Variants in PHACTR2 observed in about 807,000 individuals in gnomAD.
PHACTR2 encodes chromosome 6 open reading frame 56.
Under a neutral mutation model 76.0 loss-of-function variants are expected in PHACTR2, and 30 were observed. That is an observed-to-expected ratio of 0.39 (90% CI 0.30 to 0.54). PHACTR2 has a LOEUF of 0.54. PHACTR2 is among the 20% of genes least tolerant of loss of function. The pLI, the probability that PHACTR2 is intolerant of heterozygous loss-of-function variation, is 0.61. For missense variants in PHACTR2, 696 were observed against 781.1 expected (o/e 0.89, Z 1.30); for synonymous variants, 292 against 292.5 (o/e 1.00, Z 0.02).
At position 143,639,868 on chromosome 6, in the gene PHACTR2, A is replaced by G. The variant is rs1438085864; in HGVS notation, c.13+31546A>G. Among the ~76,000 whole-genome samples the G allele has an allele frequency of 6.6e-6, 1 of 152,224 alleles. No individual in the cohort carries two copies. The highest frequency in any genetic ancestry group is 2.4e-5 in the African/African-American group (1 of 41,458). On this transcript the variant is annotated intron_variant, in intron 1 of 11. Transcript: ENST00000305766. This position sits in a 1 kb window ranked among gnomAD's most constrained non-coding sequence, Gnocchi z 5.0. ...TCTCACTGTAGTGCAATGAAATTAG[A>G]AGTCAACATAACTACTCTAAAGATA...
At position 143,672,383 on chromosome 6, in the gene PHACTR2, C is replaced by A. The variant is rs910446924; in HGVS notation, c.14-39633C>A. Among the ~76,000 whole-genome samples the A allele has an allele frequency of 6.6e-6, 1 of 151,998 alleles. No individual in the cohort carries two copies. Among genetic ancestry groups the A allele is most frequent in the Non-Finnish European group, 1.5e-5 (1 of 68,004 alleles). ...GGCTGAGGTGGGAGGATTGCTTGAG[C>A]CCAGGAGTTCAAGGCTACAGTAAGC... is the stretch of plus-strand genomic sequence containing the variant. On this transcript the variant is annotated intron_variant, in intron 1 of 11. Transcript: ENST00000305766. This position sits in a 1 kb window ranked among gnomAD's most constrained non-coding sequence, Gnocchi z 5.8.
rs115037815 is a variant in PHACTR2 at position 143,807,535 on chromosome 6, C to T, written c.1922+402C>T. ...GGGGCTACATTTTGGTTCCTTTCTTCGTTTTTTTCTGGGTCTGAAGACATC... is the reference window on the plus strand; with the variant it reads ...GGGGCTACATTTTGGTTCCTTTCTTTGTTTTTTTCTGGGTCTGAAGACATC... On this transcript the variant is annotated intron_variant, in intron 12 of 12. Coordinates refer to ENST00000440869, the MANE Select transcript of PHACTR2 (RefSeq NM_001100164.2). This position sits in a 1 kb window ranked among gnomAD's most constrained non-coding sequence, Gnocchi z 5.5. Among the ~76,000 whole-genome samples the T allele has an allele frequency of 7.5e-3, 1,144 of 152,254 alleles. 14 individuals are homozygous for T. The highest frequency in any genetic ancestry group is 0.026 in the African/African-American group (1,088 of 41,554).
rs991857311 is a variant in PHACTR2 at position 143,537,338 on chromosome 6, A to T, written c.217+131A>T. 7.6e-6 allele frequency: 1 copy of T among 132,060 alleles called. No homozygotes were observed. Among genetic ancestry groups the T allele is most frequent in the Admixed American group, 7.3e-5 (1 of 13,722 alleles). 8.2% of individuals were successfully genotyped at this position (132,060 alleles called of 1,614,324 possible). ...TGGCGGCGGGGTGGGGGTGGGGGAC[A>T]GGGGAGGGCGGAGGCTGAACTCCCC... On this transcript the variant is annotated intron_variant, in intron 1 of 11. Transcript: ENST00000367584. The surrounding 1 kb of genome is among the most constrained non-coding windows in gnomAD (Gnocchi z 4.4).
intron 1 of PHACTR2, among the ~76,000 whole-genome samples, chr6:143,588,488 C>G (rs1775652662): frequency 6.6e-6 from 1 of 152,242 alleles, no homozygotes; most frequent in African/African-American, 2.4e-5. Flanking sequence ...CTCTGAGACA[C>G]CACCAGAGTG....
rs1775933943 is a variant in PHACTR2 at position 143,608,997 on chromosome 6, G to C, written c.13+675G>C. On this transcript the variant is annotated intron_variant, in intron 1 of 11. Transcript: ENST00000305766. This position sits in a 1 kb window ranked among gnomAD's most constrained non-coding sequence, Gnocchi z 4.6. ...TTTACTTTGCTGTATTGAACTTTTAGAGGAGATATACTGTGAGATCATGCC... is the reference window on the plus strand; with the variant it reads ...TTTACTTTGCTGTATTGAACTTTTACAGGAGATATACTGTGAGATCATGCC... Among the ~76,000 whole-genome samples the C allele has an allele frequency of 6.6e-6, 1 of 152,112 alleles. No individual in the cohort carries two copies. The highest frequency in any genetic ancestry group is 2.4e-5 in the African/African-American group (1 of 41,418).
rs760769810 is a variant in PHACTR2 at position 143,783,311 on chromosome 6, T to G, written c.1707+31T>G. 7.2e-6 allele frequency: 10 copies of G among 1,388,486 alleles called. No individual in the cohort carries two copies. The highest frequency in any genetic ancestry group is 1.0e-5 in the Non-Finnish European group (10 of 978,002). 86.0% of individuals were successfully genotyped at this position (1,388,486 alleles called of 1,614,324 possible). On this transcript the variant is annotated intron_variant, in intron 10 of 12. Coordinates refer to ENST00000440869, the MANE Select transcript of PHACTR2 (RefSeq NM_001100164.2). This position sits in a 1 kb window ranked among gnomAD's most constrained non-coding sequence, Gnocchi z 5.2. ...GAAATCATAACTATTAATGAGCATA[T>G]GTGTTTTGAGATATACTTTTAAAAA...
Position 143,757,947 on chromosome 6 carries a change from G to A in PHACTR2, c.455-2454G>A, listed in dbSNP as rs979638283. ...TACTCATATGTCCCTGCGTGTGTGT[G>A]CATGCACACGTGCGCGCACACACAC... On this transcript the variant is annotated intron_variant, in intron 4 of 12. Transcript: ENST00000440869. The surrounding 1 kb of genome is among the most constrained non-coding windows in gnomAD (Gnocchi z 4.2). Among the ~76,000 whole-genome samples the A allele has an allele frequency of 3.7e-5, 5 of 133,932 alleles. No individual in the cohort carries two copies. The highest frequency in any genetic ancestry group is 8.0e-5 in the Non-Finnish European group (5 of 62,688). 87.9% of individuals were successfully genotyped at this position (133,932 alleles called of 152,430 possible). A position where few individuals can be genotyped will look rare whatever the true frequency, so the allele number is the denominator to read the frequency against.
Position 143,794,958 on chromosome 6 carries a change from C to A in PHACTR2, c.1845+6048C>A, listed in dbSNP as rs1207036239. 6.6e-6 allele frequency among the ~76,000 whole-genome samples: 1 copy of A among 152,156 alleles called. No homozygotes were observed. The highest frequency in any genetic ancestry group is 1.5e-5 in the Non-Finnish European group (1 of 68,036). On this transcript the variant is annotated intron_variant, in intron 11 of 12. Transcript: ENST00000440869. This position sits in a 1 kb window ranked among gnomAD's most constrained non-coding sequence, Gnocchi z 4.1. ...AGTAGCCAATCAGTCAGTAATTAAT[C>A]AATGCCTCTCCTTTCTGTGAAGGAG...
Position 143,767,994 on chromosome 6 carries a change from C to T in PHACTR2, c.1232+2196C>T, listed in dbSNP as rs942480366. ...CTGGAACTACGGGTGCCTGCCACCACGCCTGGCTAATTTTTGTATTTTTAG... is the reference window on the plus strand; with the variant it reads ...CTGGAACTACGGGTGCCTGCCACCATGCCTGGCTAATTTTTGTATTTTTAG... On this transcript the variant is annotated intron_variant, in intron 6 of 12. Coordinates refer to ENST00000440869, the MANE Select transcript of PHACTR2 (RefSeq NM_001100164.2). The surrounding 1 kb of genome is among the most constrained non-coding windows in gnomAD (Gnocchi z 4.4). Among the ~76,000 whole-genome samples the T allele has an allele frequency of 9.9e-5, 15 of 152,034 alleles. No individual in the cohort carries two copies. The highest frequency in any genetic ancestry group is 6.3e-4 in the South Asian group (3 of 4,796).
Position 143,705,798 on chromosome 6 carries a change from G to A in PHACTR2, c.47-6218G>A, listed in dbSNP as rs1778040096. Among the ~76,000 whole-genome samples the A allele has an allele frequency of 2.0e-5, 3 of 152,100 alleles. No individual in the cohort carries two copies. The East Asian group carries it at 5.8e-4, about 29-fold the overall frequency. On this transcript the variant is annotated intron_variant, in intron 1 of 12. Transcript: ENST00000440869. ...TCGATCCCTGGCTAAGGTCCTGTTT[G>A]TCAGCATCTTCACCGTAAAGCCACC...
chr6:143,740,850 T>A (rs190065690), intron 2 of PHACTR2, among the ~76,000 whole-genome samples: 1 of 152,044 alleles, frequency 6.6e-6, no homozygotes, highest in Non-Finnish European at 1.5e-5. Flanking sequence ...AAAGCAGGAG[T>A]CTTTTGGTTA....
intron 2 of PHACTR2, 66 bp downstream of exon 2, chr6:143,712,249 A>T: frequency 1.8e-6 from 2 of 1,117,890 alleles, no homozygotes; most frequent in Middle Eastern, 4.4e-4. Context: ...GTAGAAAATT[A>T]TGTTTTACAG....
chr6:143,800,076 C>T lies in PHACTR2; in HGVS notation c.1846-6981C>T, dbSNP rs1306853009. ...GAATCTGGTGCTCGTGTACTGGATGCATATATATTTAGGATAGTTAACTCT... is the reference window on the plus strand; with the variant it reads ...GAATCTGGTGCTCGTGTACTGGATGTATATATATTTAGGATAGTTAACTCT... On this transcript the variant is annotated intron_variant, in intron 11 of 12. Transcript: ENST00000440869. The surrounding 1 kb of genome is among the most constrained non-coding windows in gnomAD (Gnocchi z 4.8). Among the ~76,000 whole-genome samples the T allele has an allele frequency of 6.6e-6, 1 of 152,058 alleles. No individual in the cohort carries two copies. Among genetic ancestry groups the T allele is most frequent in the African/African-American group, 2.4e-5 (1 of 41,386 alleles).
intron 6 of PHACTR2, among the ~76,000 whole-genome samples, chr6:143,770,253 A>G (rs1775066760): frequency 6.6e-6 from 1 of 152,236 alleles, no homozygotes; most frequent in Non-Finnish European, 1.5e-5. Context: ...GTTACATACA[A>G]AAAGACAAAC....
Position 143,611,613 on chromosome 6 carries a change from T to G in PHACTR2, c.13+3291T>G, listed in dbSNP as rs1277542607. ...TATGAGGAGAAAATAAGATAACTCCTGTAAAGCTTTTGGTACAATGGCTGG... is the reference window on the plus strand; with the variant it reads ...TATGAGGAGAAAATAAGATAACTCCGGTAAAGCTTTTGGTACAATGGCTGG... On this transcript the variant is annotated intron_variant, in intron 1 of 11. Coordinates refer to the PHACTR2 transcript ENST00000305766. The surrounding 1 kb of genome is among the most constrained non-coding windows in gnomAD (Gnocchi z 4.4). Among the ~76,000 whole-genome samples the G allele has an allele frequency of 1.3e-5, 2 of 152,216 alleles. No homozygotes were observed. Among genetic ancestry groups the G allele is most frequent in the Non-Finnish European group, 2.9e-5 (2 of 68,046 alleles).
chr6:143,560,119 G>A (rs1203545336), intron 1 of PHACTR2, among the ~76,000 whole-genome samples: 3 of 152,194 alleles, frequency 2.0e-5, no homozygotes. Flanking sequence ...CGGGAAAACA[G>A]AAAGTTGGTG....
Position 143,598,396 on chromosome 6 carries a change from TGCA to T in PHACTR2, c.217+61192_217+61194del, listed in dbSNP as rs1775776278. 6.6e-6 allele frequency among the ~76,000 whole-genome samples: 1 copy of T among 152,178 alleles called. No individual in the cohort carries two copies. The highest frequency in any genetic ancestry group is 1.5e-5 in the Non-Finnish European group (1 of 68,036). Reference sequence around the variant, plus strand: ...GACCAAGCCAGAGCCTCCAGAGGAATGCAGCCCTTCAGAACACCTTGATTTGAG... The same window carrying T: ...GACCAAGCCAGAGCCTCCAGAGGAATGCCCTTCAGAACACCTTGATTTGAG... On this transcript the variant is annotated intron_variant, in intron 1 of 11. Coordinates refer to the PHACTR2 transcript ENST00000367584. This position sits in a 1 kb window ranked among gnomAD's most constrained non-coding sequence, Gnocchi z 4.1.
rs1263638669 is a variant in PHACTR2 at position 143,683,535 on chromosome 6, C to T, written c.46+5326C>T. Among the ~76,000 whole-genome samples the T allele has an allele frequency of 1.3e-5, 2 of 152,054 alleles. No homozygotes were observed. The highest frequency in any genetic ancestry group is 6.6e-5 in the Admixed American group (1 of 15,264). Reference sequence around the variant, plus strand: ...GAAAGGGCAGACAATGCCACTGTCCCCATTTTTAAGAGACAAGAGAACAAG... The same window carrying T: ...GAAAGGGCAGACAATGCCACTGTCCTCATTTTTAAGAGACAAGAGAACAAG... On this transcript the variant is annotated intron_variant, in intron 1 of 12. Transcript: ENST00000440869. This position sits in a 1 kb window ranked among gnomAD's most constrained non-coding sequence, Gnocchi z 4.1.
Position 143,823,787 on chromosome 6 carries a change from T to C in PHACTR2, c.*98T>C. ...TTGCACTGGGATTTGAATGTGTGTGTTTCCGTTTAACTTGTGGTGAAGGAA... is the reference window on the plus strand; with the variant it reads ...TTGCACTGGGATTTGAATGTGTGTGCTTCCGTTTAACTTGTGGTGAAGGAA... On this transcript the variant is annotated 3_prime_UTR_variant, in exon 13 of 13. Transcript: ENST00000440869. This position sits in a 1 kb window ranked among gnomAD's most constrained non-coding sequence, Gnocchi z 5.7. 2.0e-6 allele frequency: 2 copies of C among 1,015,904 alleles called. No homozygotes were observed. Among genetic ancestry groups the C allele is most frequent in the East Asian group, 2.4e-5 (1 of 41,880 alleles). The allele number at this position is 1,015,904 out of a possible 1,614,324, so 62.9% of individuals were successfully genotyped here. A position where few individuals can be genotyped will look rare whatever the true frequency, so the allele number is the denominator to read the frequency against.
Sources: allele counts gnomAD v4.1 joint callset (sites outside exome capture counted in the v4.1 genomes callset), GRCh38; gene constraint gnomAD v4.1.1; non-coding constraint Gnocchi (gnomAD v3.1); transcripts MANE v1.5; gene names NCBI Gene and HGNC (gene_info 2026-07-23, HGNC 2026-07-21).